Variants in DNAH5 observed in about 807,000 individuals in gnomAD.
DNAH5 encodes dynein axonemal heavy chain 5, also known as axonemal beta dynein heavy chain 5.
Under a neutral mutation model 518.2 loss-of-function variants are expected in DNAH5, and 372 were observed. The observed-to-expected ratio is 0.72, with a 90% confidence interval of 0.66 to 0.78. DNAH5 has a LOEUF of 0.78. DNAH5 is among the 30% of genes least tolerant of loss of function. DNAH5 has a pLI of 0.00. For synonymous variants in DNAH5, 2,039 were observed against 2,025.9 expected (o/e 1.01, Z -0.17); for missense variants, 5,523 against 5,687.0 (o/e 0.97, Z 0.93).
chr5:13,828,443 A>G (rs1194363069), intron 38 of DNAH5, among the ~76,000 whole-genome samples: 2 of 152,110 alleles, frequency 1.3e-5, no homozygotes, highest in Non-Finnish European at 2.9e-5. Flanking sequence ...CATGATGCCC[A>G]CCTCCTGGTG....
At position 13,708,104 on chromosome 5, in the gene DNAH5, A is replaced by C. The variant is rs1356353825; in HGVS notation, c.13338+19T>G. The C allele has an allele frequency of 6.2e-7, 1 of 1,612,670 alleles. No individual in the cohort carries two copies. Among genetic ancestry groups the C allele is most frequent in the Admixed American group, 1.7e-5 (1 of 60,022 alleles). On this transcript the variant is annotated intron_variant, in intron 76 of 78. Transcript: ENST00000265104. ...CAATCATAAGTGAACAGGCAGAATA[A>C]CAGCAGGCTTATACGTACTTTTTTC...
At chr5:13,845,678 T>C (rs558573831) in intron 31 of DNAH5, among the ~76,000 whole-genome samples, 2 of 152,262 alleles carry the variant, frequency 1.3e-5, no homozygotes, top group African/African-American at 4.8e-5. Context: ...TAACTATAGC[T>C]CTCTATCTTC....
intron 45 of DNAH5, 89 bp from the exon 46 acceptor site, chr5:13,809,275 C>G: frequency 6.8e-7 from 1 of 1,474,426 alleles, no homozygotes; most frequent in Non-Finnish European, 9.5e-7. Flanking sequence ...CTTATGAGGT[C>G]ACCTTCCAAA....
Position 13,920,529 on chromosome 5 carries a change from A to G in DNAH5, c.749T>C (p.Leu250Ser), listed in dbSNP as rs1777140345. ...YLTLANNPET[L>S]GKIEDCMKVW... ...TTTCATGCAATCCTCTATTTTTCCC[A>G]AAGTCTCAGGGTTATTTGCTAGAGT... The change falls in exon 6 of 79, where the codon TTG becomes TCG. Residue 250 changes from leucine (L) to serine (S), a missense_variant. Coordinates refer to ENST00000265104, the MANE Select transcript of DNAH5 (RefSeq NM_001369.3). 2.5e-6 allele frequency: 4 copies of G among 1,614,140 alleles called. No individual in the cohort carries two copies. The highest frequency in any genetic ancestry group is 3.4e-6 in the Non-Finnish European group (4 of 1,180,010).
Position 13,874,053 on chromosome 5 carries a change from G to A in DNAH5, c.3397-2288C>T, listed in dbSNP as rs1048265970. On this transcript the variant is annotated intron_variant, in intron 22 of 78. Coordinates refer to ENST00000265104, the MANE Select transcript of DNAH5 (RefSeq NM_001369.3). ...CCACATACAGCTAAAATGTCCCTCCGAGCCTCAGGTTCAATGGATGTTGAT... is the reference window on the plus strand; with the variant it reads ...CCACATACAGCTAAAATGTCCCTCCAAGCCTCAGGTTCAATGGATGTTGAT... 5.9e-5 allele frequency among the ~76,000 whole-genome samples: 9 copies of A among 152,132 alleles called. No homozygotes were observed. In the South Asian group the frequency reaches 1.7e-3, roughly 28 times the overall value.
In DNAH5 at chr5:13,922,239, G is replaced by A; in HGVS notation, c.528C>T (p.Leu176=). Residue 176 remains leucine, a synonymous_variant, in exon 5 of 79, where the codon CTC becomes CTT. Transcript: ENST00000265104. ...RLLSDIFIPA[L]RATSHGWGEL... is the part of the protein sequence containing the mutation. The stretch of plus-strand genomic sequence containing the variant: ...CGCCCCAGCCATGGCTCGTGGCTCT[G>A]AGAGCAGGAATGAAGATGTCCGACA... 2 of 1,613,912 alleles carry A rather than the reference G, an allele frequency of 1.2e-6. No homozygotes were observed. The highest frequency in any genetic ancestry group is 1.7e-6 in the Non-Finnish European group (2 of 1,179,940).
chr5:13,946,040 G>A (rs1410775777), upstream of DNAH5, among the ~76,000 whole-genome samples: 1 of 152,176 alleles, frequency 6.6e-6, no homozygotes, highest in African/African-American at 2.4e-5. Flanking sequence ...GAAAATAGCA[G>A]TAGGATCGGA....
chr5:13,719,909 A>C (rs1033835734), intron 71 of DNAH5, among the ~76,000 whole-genome samples: 2 of 152,180 alleles, frequency 1.3e-5, no homozygotes, highest in African/African-American at 4.8e-5. Context: ...ATTATACCAT[A>C]AGGATAGGAA....
rs767934052 is a variant in DNAH5, at chr5:13,886,110, G to A, written c.2597C>T (p.Ala866Val). The change falls in exon 18 of 79, where the codon GCA (alanine) becomes GTA (valine). Residue 866 changes from alanine to valine, a missense_variant. This residue lies in a region of DNAH5 where 5,121 missense variants were observed against 5,223.3 expected (regional missense o/e 0.98). Transcript: ENST00000265104. ...TGAGCTTTTAAAATGTAGTATTTGT[G>A]CACCATTTACACAAAGATCCTAACC... is the stretch of plus-strand genomic sequence containing the variant. ...QMTKDLCVNG[A>V]QILHFKSSLV... The A allele has an allele frequency of 2.5e-6, 4 of 1,578,234 alleles. No homozygotes were observed. The highest frequency in any genetic ancestry group is 2.9e-5 in the African/African-American group (2 of 69,852).
chr5:13,806,446 C>A (rs1329586621), intron 47 of DNAH5, among the ~76,000 whole-genome samples: 1 of 152,128 alleles, frequency 6.6e-6, no homozygotes, highest in Non-Finnish European at 1.5e-5. Flanking sequence ...TCCGCTGTCA[C>A]CAATTAAATT....
At chr5:13,805,371 G>C (rs892695478) in intron 47 of DNAH5, among the ~76,000 whole-genome samples, 6 of 152,226 alleles carry the variant, frequency 3.9e-5, no homozygotes, top group Non-Finnish European at 7.4e-5. Context: ...GGTAGCCCAT[G>C]CCTATAATCC....
Position 13,719,753 on chromosome 5 carries a change from C to A in DNAH5, c.12280-652G>T, listed in dbSNP as rs183519016. Among the ~76,000 whole-genome samples, 13 of 152,268 alleles carry A rather than the reference C, an allele frequency of 8.5e-5. No individual in the cohort carries two copies. The East Asian group carries it at 2.1e-3, about 25-fold the overall frequency. The stretch of plus-strand genomic sequence containing the variant: ...ATGATTGCCTGCTGAATTTTGAGAC[C>A]TGCTACTTCCTGCCTCCCACTAGTT... On this transcript the variant is annotated intron_variant, in intron 71 of 78. Coordinates refer to ENST00000265104, the MANE Select transcript of DNAH5 (RefSeq NM_001369.3).
At position 13,735,854 on chromosome 5, in the gene DNAH5, C is replaced by T. The variant is rs1181350575; in HGVS notation, c.11534G>A (p.Arg3845His). Residue 3845 changes from arginine (R) to histidine (H), a missense_variant, in exon 67 of 79, where the codon CGC becomes CAC. Around this residue, in one of 3 missense-constraint regions of DNAH5, gnomAD observed 5,121 missense variants for 5,223.3 expected, o/e 0.98. Coordinates refer to ENST00000265104, the MANE Select transcript of DNAH5 (RefSeq NM_001369.3). ...AAGGTCAAATAAGCCCAGAAACTGGCGAAGCGAAGTCTGATACATCTCATT... is the reference window on the plus strand; with the variant it reads ...AAGGTCAAATAAGCCCAGAAACTGGTGAAGCGAAGTCTGATACATCTCATT... Reference protein sequence around the residue: ...LVNEMYQTSLRQFLGLFDLSL... With the variant: ...LVNEMYQTSLHQFLGLFDLSL... 8.1e-6 allele frequency: 13 copies of T among 1,613,958 alleles called. No individual in the cohort carries two copies. In the East Asian group the frequency reaches 1.6e-4, roughly 19 times the overall value.
At chr5:13,964,965 A>G (rs1254091754) in intron 1 of DNAH5, among the ~76,000 whole-genome samples, 4 of 152,132 alleles carry the variant, frequency 2.6e-5, no homozygotes, top group South Asian at 4.1e-4. Context: ...GTGTCTCCCA[A>G]TACTGTGTTC....
intron 41 of DNAH5, among the ~76,000 whole-genome samples, chr5:13,819,488 A>T (rs1444878410): frequency 6.6e-6 from 1 of 152,148 alleles, no homozygotes; most frequent in Non-Finnish European, 1.5e-5. Context: ...CATCAGTAGC[A>T]GTGCACTGAG....
At chr5:13,839,672 C>A in intron 34 of DNAH5, 144 bp from the exon 35 acceptor site, 1 of 708,270 alleles carries the variant, frequency 1.4e-6, no homozygotes, top group South Asian at 1.7e-5. Context: ...ACTGTATCAC[C>A]AGCCAAGCTA....
rs1777501155 is a variant in DNAH5, at chr5:13,923,304, G to A, written c.414C>T (p.Ala138=). Residue 138 remains alanine (A), a synonymous_variant, in exon 4 of 79, where the codon GCC becomes GCT. Coordinates refer to ENST00000265104, the MANE Select transcript of DNAH5 (RefSeq NM_001369.3). The part of the protein sequence containing the change: ...VFFIRTDPSK[A]ITPDNIHQEV... ...CCTGGTGGATGTTGTCAGGGGTGAT[G>A]GCTTTGGAAGGGTCAGTCCTGATGA... The A allele has an allele frequency of 2.5e-6, 4 of 1,614,136 alleles. No individual in the cohort carries two copies. The East Asian group carries it at 8.9e-5, about 36-fold the overall frequency.
intron 10 of DNAH5, 51 bp downstream of exon 10, chr5:13,914,469 C>A: frequency 4.4e-6 from 7 of 1,591,700 alleles, no homozygotes; most frequent in Non-Finnish European, 6.0e-6. Context: ...ATGGTCTCAA[C>A]AAAAATAAGA....
intron 78 of DNAH5, among the ~76,000 whole-genome samples, chr5:13,698,569 C>A (rs1445694): frequency 0.5 from 76,715 of 152,046 alleles, 19,636 homozygotes; most frequent in Non-Finnish European, 0.55. Flanking sequence ...ACTGAAGGCC[C>A]ACAGCACTAT....
Sources: allele counts gnomAD v4.1 joint callset (sites outside exome capture counted in the v4.1 genomes callset), GRCh38; gene constraint gnomAD v4.1.1; regional missense constraint gnomAD v4.1.1; transcripts MANE v1.5; gene names NCBI Gene and HGNC (gene_info 2026-07-23, HGNC 2026-07-21).